The following TIMM23 variants were observed in gnomAD, a reference collection of about 807,000 sequenced individuals.
TIMM23 encodes mitochondrial import inner membrane translocase subunit Tim23.
A neutral mutation model predicts 30.7 loss-of-function variants in TIMM23; 19 were observed. The ratio of observed to expected loss-of-function variants is 0.62; its 90% confidence interval spans 0.43 to 0.91. TIMM23 has a LOEUF of 0.91. Ranked by LOEUF, TIMM23 falls within the 40% of genes least tolerant of loss-of-function variation. The pLI, the probability that TIMM23 is intolerant of heterozygous loss-of-function variation, is 0.00. For synonymous variants in TIMM23, 78 were observed against 98.5 expected (o/e 0.79, Z 1.23); for missense variants, 202 against 269.2 (o/e 0.75, Z 1.75).
intron 1 of TIMM23, among the ~76,000 whole-genome samples, chr10:45,974,559 T>C (rs1554912595): frequency 6.6e-6 from 1 of 152,170 alleles, no homozygotes; most frequent in Non-Finnish European, 1.5e-5. Context: ...TGACAGCTAA[T>C]GTAGGATTTT....
intron 4 of TIMM23, 61 bp downstream of exon 4, chr10:45,982,991 T>G: frequency 5.6e-6 from 9 of 1,606,196 alleles, no homozygotes; most frequent in Non-Finnish European, 6.8e-6. Context: ...GTTGTATTGG[T>G]TTGATGAGTA....
chr10:45,981,767 A>C (rs1456503559), intron 2 of TIMM23, among the ~76,000 whole-genome samples: 2 of 152,210 alleles, frequency 1.3e-5, no homozygotes, highest in Non-Finnish European at 2.9e-5. Flanking sequence ...CTTTGGTTGG[A>C]AAGCTTGCCA....
intron 6 of TIMM23, among the ~76,000 whole-genome samples, chr10:46,001,706 G>C (rs1838544244): frequency 6.6e-6 from 1 of 152,132 alleles, no homozygotes; most frequent in African/African-American, 2.4e-5. Flanking sequence ...TAGGTACAAA[G>C]ATGGCTACCT....
At chr10:45,996,895 G>A (rs1554916792) in intron 6 of TIMM23, among the ~76,000 whole-genome samples, 1 of 150,500 alleles carries the variant, frequency 6.6e-6, no homozygotes, top group Non-Finnish European at 1.5e-5. Flanking sequence ...AGCCCAGGAG[G>A]TCAAAGCTGC....
chr10:45,993,633 G>A (rs1452690998), intron 6 of TIMM23, among the ~76,000 whole-genome samples: 28 of 150,754 alleles, frequency 1.9e-4, no homozygotes, highest in East Asian at 3.9e-4. Context: ...CAGCCTGGGC[G>A]ATAGAGCAAG....
At chr10:45,993,302 A>G (rs1370215903) in intron 6 of TIMM23, among the ~76,000 whole-genome samples, 3 of 147,660 alleles carry the variant, frequency 2.0e-5, no homozygotes, top group Non-Finnish European at 3.0e-5. Context: ...CTGGAGTGCA[A>G]TGGCATGATC....
intron 1 of TIMM23, among the ~76,000 whole-genome samples, chr10:45,973,034 C>T (rs1452855543): frequency 1.3e-5 from 2 of 152,108 alleles, no homozygotes; most frequent in Non-Finnish European, 1.5e-5. Context: ...GTGATTGACC[C>T]TTGATTAAGA....
chr10:45,989,765 T>A (rs1326650434), intron 6 of TIMM23, among the ~76,000 whole-genome samples: 1 of 152,236 alleles, frequency 6.6e-6, no homozygotes, highest in African/African-American at 2.4e-5. Context: ...TATGATCATC[T>A]TACTCTACTG....
At chr10:45,991,683 G>A (rs1420407013) in intron 6 of TIMM23, among the ~76,000 whole-genome samples, 3 of 152,040 alleles carry the variant, frequency 2.0e-5, no homozygotes, top group African/African-American at 7.2e-5. Context: ...CCTGGGAGGT[G>A]GAGGTTGCGG....
chr10:46,003,384 T>TG lies in TIMM23; in HGVS notation c.*68dup. The stretch of plus-strand genomic sequence containing the variant: ...ATCTAGATCCTTTTATAAGACAGTT[T>TG]GGAGTTATTCTCTCTCTTCTACCTA... On this transcript the variant is annotated 3_prime_UTR_variant, in exon 7 of 7. Transcript: ENST00000580018. 8.8e-7 allele frequency: 1 copy of TG among 1,137,114 alleles called. No homozygotes were observed. The highest frequency in any genetic ancestry group is 2.0e-5 in the Admixed American group (1 of 51,000). 70.4% of individuals were successfully genotyped at this position (1,137,114 alleles called of 1,614,324 possible).
At chr10:46,000,820 C>G (rs1838507126) in intron 6 of TIMM23, among the ~76,000 whole-genome samples, 3 of 152,202 alleles carry the variant, frequency 2.0e-5, no homozygotes, top group South Asian at 4.1e-4. Flanking sequence ...GAAATAGTGT[C>G]TGCAAAAGTA....
chr10:46,002,399 C>A, intron 6 of TIMM23: 1 of 451,184 alleles, frequency 2.2e-6, no homozygotes, highest in Non-Finnish European at 2.9e-6. Context: ...TGTTCTCAAA[C>A]TCCTGAGCTC....
chr10:45,974,853 G>A (rs1156931851), intron 1 of TIMM23, among the ~76,000 whole-genome samples: 1 of 151,804 alleles, frequency 6.6e-6, no homozygotes, highest in Non-Finnish European at 1.5e-5. Flanking sequence ...AAAGATGATA[G>A]GTTTTACTGT....
At chr10:45,978,439 T>C (rs1320786850) in intron 2 of TIMM23, among the ~76,000 whole-genome samples, 1 of 152,244 alleles carries the variant, frequency 6.6e-6, no homozygotes, top group Non-Finnish European at 1.5e-5. Flanking sequence ...CTAGAATATT[T>C]AATTTTTTTA....
chr10:46,000,483 G>A (rs532031635), intron 6 of TIMM23, among the ~76,000 whole-genome samples: 2 of 152,336 alleles, frequency 1.3e-5, no homozygotes, highest in South Asian at 4.1e-4. Context: ...GCCTTCCAAA[G>A]TGCTGGGATT....
intron 1 of TIMM23, among the ~76,000 whole-genome samples, chr10:45,974,078 G>A (rs1324998344): frequency 1.3e-5 from 2 of 151,908 alleles, no homozygotes; most frequent in Admixed American, 6.6e-5. Context: ...TAAATTGGGG[G>A]ACCAGGGAAT....
At chr10:45,973,509 A>G (rs368254788) in intron 1 of TIMM23, among the ~76,000 whole-genome samples, 1 of 152,212 alleles carries the variant, frequency 6.6e-6, no homozygotes, top group Non-Finnish European at 1.5e-5. Context: ...TTCTCTAGGT[A>G]TTTTATACTA....
chr10:45,976,314 T>G (rs1554913088), intron 2 of TIMM23, among the ~76,000 whole-genome samples: 1 of 144,216 alleles, frequency 6.9e-6, no homozygotes, highest in Non-Finnish European at 1.5e-5. Flanking sequence ...CTTTAATGAT[T>G]ATAAAAACAA....
chr10:45,988,588 C>T (rs1838067017), intron 5 of TIMM23, 149 bp from the exon 6 acceptor site: 3 of 646,586 alleles, frequency 4.6e-6, no homozygotes, highest in African/African-American at 1.8e-5. Flanking sequence ...GAACCAAGGA[C>T]AAATACCTTA....
Sources: allele counts gnomAD v4.1 joint callset (sites outside exome capture counted in the v4.1 genomes callset), GRCh38; gene constraint gnomAD v4.1.1; transcripts MANE v1.5; gene names NCBI Gene and HGNC (gene_info 2026-07-23, HGNC 2026-07-21).